The following CDC7 variants were observed in gnomAD, a reference collection of about 807,000 sequenced individuals.
The protein encoded by CDC7 is cell division cycle 7-related protein kinase.
In CDC7, 34 loss-of-function variants were observed where a neutral mutation model predicts 53.5. The observed-to-expected ratio is 0.64, with a 90% CI of 0.48 to 0.85. The LOEUF is 0.85. CDC7 is among the 40% of genes least tolerant of loss of function. The probability of loss-of-function intolerance (pLI) is 0.00; values close to 1 mark genes in which losing one functional copy is unlikely to be tolerated. For synonymous variants in CDC7, 211 were observed against 222.8 expected (o/e 0.95, Z 0.47); for missense variants, 594 against 679.7 (o/e 0.87, Z 1.40).
chr1:91,519,168 T>A (rs916668602), intron 10 of CDC7, among the ~76,000 whole-genome samples: 2 of 149,960 alleles, frequency 1.3e-5, no homozygotes, highest in Admixed American at 6.7e-5. Context: ...AAGAGTACTT[T>A]GAGGGGCTGA....
rs965522427 is a variant in CDC7 at position 91,515,975 on chromosome 1, T to C, written c.1180+99T>C. 22 of 994,862 alleles carry C rather than the reference T, an allele frequency of 2.2e-5. No individual in the cohort carries two copies. In the South Asian group the frequency reaches 2.7e-4, roughly 12 times the overall value. 61.6% of individuals were successfully genotyped at this position (994,862 alleles called of 1,614,324 possible). On this transcript the variant is annotated intron_variant, in intron 10 of 11. Coordinates refer to ENST00000234626, the MANE Select transcript of CDC7 (RefSeq NM_003503.4). ...CTATTTATAACTAATATTTGAGTTC[T>C]TCTGCTTTTAATTATGTAAGCAGTT...
intron 10 of CDC7, among the ~76,000 whole-genome samples, chr1:91,518,581 G>A (rs779493453): frequency 2.6e-5 from 4 of 152,128 alleles, no homozygotes; most frequent in Non-Finnish European, 5.9e-5. Context: ...CTTGTCATTT[G>A]CAACAACATG....
chr1:91,510,723 C>T (rs1343799965), intron 4 of CDC7, among the ~76,000 whole-genome samples: 1 of 152,172 alleles, frequency 6.6e-6, no homozygotes, highest in African/African-American at 2.4e-5. Context: ...TGTCTTCAGG[C>T]TCAGCTTCCA....
chr1:91,511,973 A>T, intron 6 of CDC7, 50 bp downstream of exon 6: 2 of 1,359,968 alleles, frequency 1.5e-6, no homozygotes, highest in Non-Finnish European at 2.0e-6. Context: ...CTTTTAAAAA[A>T]CAATTTTATT....
chr1:91,507,760 TTTTATAA>T, intron 2 of CDC7, 87 bp from the exon 3 acceptor site: 1 of 844,764 alleles, frequency 1.2e-6, no homozygotes, highest in East Asian at 3.0e-5. Context: ...ATTACTCATA[TTTTATAA>T]TTTATTTCAT....
intron 11 of CDC7, among the ~76,000 whole-genome samples, chr1:91,522,870 C>T (rs1218699418): frequency 6.6e-6 from 1 of 152,138 alleles, no homozygotes; most frequent in Non-Finnish European, 1.5e-5. Flanking sequence ...GTAAAGGTAA[C>T]TTTTTATCAT....
chr1:91,519,976 C>T (rs1023862001), intron 10 of CDC7, among the ~76,000 whole-genome samples, 154 bp from the exon 11 acceptor site: 2 of 152,190 alleles, frequency 1.3e-5, no homozygotes, highest in Admixed American at 1.3e-4. Flanking sequence ...AGCCCTACTT[C>T]AGAACTGTTC....
intron 11 of CDC7, 117 bp from the exon 12 acceptor site, chr1:91,523,919 TGTGTG>T: frequency 1.6e-6 from 1 of 627,328 alleles, no homozygotes; most frequent in Non-Finnish European, 2.8e-6. Context: ...TGTGTGTGTG[TGTGTG>T]TCCATGTCTA....
intron 4 of CDC7, among the ~76,000 whole-genome samples, chr1:91,509,881 A>G (rs937884192): frequency 1.3e-5 from 2 of 152,082 alleles, no homozygotes; most frequent in Admixed American, 1.3e-4. Flanking sequence ...CTGTTTCCCC[A>G]TTCAGGAAGA....
In CDC7 at chr1:91,501,668, C is replaced by G. The variant is rs748627269; in HGVS notation, c.-49C>G. On this transcript the variant is annotated 5_prime_UTR_variant, in exon 2 of 12. Coordinates refer to ENST00000234626, the MANE Select transcript of CDC7 (RefSeq NM_003503.4). ...AATTTTCACAGCTGCTTTGCTCCCC[C>G]TGTGGATGTAACCCCTTAGCTGGCA... 1 of 1,319,934 alleles carries G rather than the reference C, an allele frequency of 7.6e-7. No homozygotes were observed. 81.8% of individuals were successfully genotyped at this position (1,319,934 alleles called of 1,614,324 possible). A position where few individuals can be genotyped will look rare whatever the true frequency, so the allele number is the denominator to read the frequency against.
At chr1:91,515,699 G>A (rs1228272074) in intron 9 of CDC7, 95 bp from the exon 10 acceptor site, 2 of 1,476,000 alleles carry the variant, frequency 1.4e-6, no homozygotes, top group African/African-American at 1.4e-5. Flanking sequence ...AGGTATCAAG[G>A]CAAAATTTAC....
At chr1:91,520,404 T>C in intron 11 of CDC7, 125 bp downstream of exon 11, 1 of 745,704 alleles carries the variant, frequency 1.3e-6, no homozygotes, top group South Asian at 2.8e-5. Context: ...TTCTCTAATA[T>C]TAAGTAGAAA....
rs1021085383 is a variant in CDC7, at chr1:91,508,308, A to G, written c.246A>G (p.Gly82=). 22 of 1,612,478 alleles carry G rather than the reference A, an allele frequency of 1.4e-5. No individual in the cohort carries two copies. The highest frequency in any genetic ancestry group is 1.8e-5 in the Non-Finnish European group (21 of 1,178,938). Residue 82 remains glycine (G), a synonymous_variant, in exon 4 of 12, where the codon GGA becomes GGG. Coordinates refer to ENST00000234626, the MANE Select transcript of CDC7 (RefSeq NM_003503.4). ...VYLATAQLQV[G]PEEKIALKHL... is the part of the protein sequence containing the mutation. ...TGGCCACAGCACAGTTACAAGTAGGACCTGAAGAGAAAATTGCTCTAAAAC... is the reference window on the plus strand; with the variant it reads ...TGGCCACAGCACAGTTACAAGTAGGGCCTGAAGAGAAAATTGCTCTAAAAC...
At position 91,524,211 on chromosome 1, in the gene CDC7, G is replaced by A. The variant is rs753770103; in HGVS notation, c.1501G>A (p.Val501Ile). Residue 501 changes from valine (V) to isoleucine (I), a missense_variant, in exon 12 of 12, where the codon GTT becomes ATT. Val to Ile is a conservative substitution (Grantham distance 29, BLOSUM62 3). Coordinates refer to ENST00000234626, the MANE Select transcript of CDC7 (RefSeq NM_003503.4). ...GACTGACCATAAAGCTTCTTGCCTCGTTCAAACACCTCCAGGACAATACTC... is the reference window on the plus strand; with the variant it reads ...GACTGACCATAAAGCTTCTTGCCTCATTCAAACACCTCCAGGACAATACTC... Reference protein sequence around the residue: ...EKTDHKASCLVQTPPGQYSGN... With the variant: ...EKTDHKASCLIQTPPGQYSGN... The A allele has an allele frequency of 3.3e-5, 53 of 1,613,782 alleles. No homozygotes were observed. Among genetic ancestry groups the A allele is most frequent in the African/African-American group, 2.3e-4 (17 of 74,866 alleles).
At position 91,514,913 on chromosome 1, in the gene CDC7, T is replaced by A; in HGVS notation, c.1013T>A (p.Met338Lys). Residue 338 changes from methionine (M) to lysine (K), a missense_variant, in exon 9 of 12, where the codon ATG becomes AAG. By Grantham distance (95) the Met-to-Lys change is moderately conservative. Transcript: ENST00000234626. ...ACAAAAGTTATGAATAGTGCTGTGA[T>A]GAGGAAAACTGCCAGTTCTTGCCCA... ...ISTKVMNSAV[M>K]RKTASSCPAS... 1 of 1,613,772 alleles carries A rather than the reference T, an allele frequency of 6.2e-7. No homozygotes were observed. The highest frequency in any genetic ancestry group is 8.5e-7 in the Non-Finnish European group (1 of 1,179,744).
chr1:91,507,905 A>G lies in CDC7; in HGVS notation c.167A>G (p.Asn56Ser), dbSNP rs1667077629. ...KLYEAVPQLS[N>S]VFKIEDKIGE... ...TATGAAGCTGTACCACAGCTTAGTA[A>G]TGTGTTTAAGATTGAGGACAAAATT... The change falls in exon 3 of 12, where the codon AAT (asparagine) becomes AGT (serine). Residue 56 changes from asparagine to serine, a missense_variant. Asn to Ser is a conservative substitution (Grantham distance 46). Coordinates refer to ENST00000234626, the MANE Select transcript of CDC7 (RefSeq NM_003503.4). 2 of 1,538,290 alleles carry G rather than the reference A, an allele frequency of 1.3e-6. No individual in the cohort carries two copies. The highest frequency in any genetic ancestry group is 4.7e-5 in the East Asian group (2 of 42,958).
chr1:91,512,957 A>C, intron 6 of CDC7, 101 bp from the exon 7 acceptor site: 2 of 1,001,348 alleles, frequency 2.0e-6, no homozygotes, highest in African/African-American at 1.6e-5. Context: ...AATTGATCCC[A>C]AAAAGAATTA....
rs573009916 is a variant in CDC7 at position 91,508,996 on chromosome 1, TAG to T, written c.335+602_335+603del. ...CTTCTCTATGCTAAACTGGAAACTA[TAG>T]AGTCAATCATTACTCTAGGCATCAT... On this transcript the variant is annotated intron_variant, in intron 4 of 11. Coordinates refer to ENST00000234626, the MANE Select transcript of CDC7 (RefSeq NM_003503.4). 9.4e-4 allele frequency among the ~76,000 whole-genome samples: 143 copies of T among 152,204 alleles called. 3 individuals carry two copies. The highest frequency in any genetic ancestry group is 2.2e-4 in the Non-Finnish European group (15 of 68,034).
At chr1:91,509,483 T>C (rs930142445) in intron 4 of CDC7, among the ~76,000 whole-genome samples, 2 of 152,042 alleles carry the variant, frequency 1.3e-5, no homozygotes, top group South Asian at 2.1e-4. Context: ...TCATTTTCTC[T>C]ATTTCTCTCC....
Sources: gnomAD v4.1 joint callset for allele counts (sites outside exome capture counted in the v4.1 genomes callset) on GRCh38, gnomAD v4.1.1 for gene constraint, MANE v1.5 for transcripts, NCBI Gene and HGNC (gene_info 2026-07-23, HGNC 2026-07-21) for gene names.